Variants in DCAF5 observed in about 807,000 individuals in gnomAD.
DCAF5 encodes the protein DDB1 and CUL4 associated factor 5.
In DCAF5, 9 loss-of-function variants were observed where a neutral mutation model predicts 80.7. That is an observed-to-expected ratio of 0.11 (90% CI 0.07 to 0.19). DCAF5 has a LOEUF of 0.19. Ranked by LOEUF, DCAF5 falls within the 10% of genes least tolerant of loss-of-function variation. The pLI is 1.00. For missense variants in DCAF5, 842 were observed against 1,205.7 expected (o/e 0.70, Z 4.47); for synonymous variants, 433 against 461.9 (o/e 0.94, Z 0.80).
chr14:69,086,620 T>TAAAAAA (rs34555932), intron 6 of DCAF5, among the ~76,000 whole-genome samples: 1 of 134,230 alleles, frequency 7.4e-6, no homozygotes, highest in African/African-American at 2.8e-5. Context: ...ATGGAGTTAT[T>TAAAAAA]AAAAAAAAAA....
At chr14:69,064,566 T>C (rs183137958) in intron 7 of DCAF5, among the ~76,000 whole-genome samples, 55 of 152,292 alleles carry the variant, frequency 3.6e-4, no homozygotes, top group African/African-American at 1.2e-3. Context: ...ATGGAAGAGT[T>C]TGAATAGGAA....
rs1250542085 is a variant in DCAF5 at position 69,055,546 on chromosome 14, G to A, written c.1140C>T (p.Ser380=). 1.2e-6 allele frequency: 2 copies of A among 1,613,208 alleles called. No homozygotes were observed. Among genetic ancestry groups the A allele is most frequent in the Admixed American group, 3.3e-5 (2 of 60,018 alleles). The change falls in exon 9 of 9, where the codon TCC becomes TCT. Residue 380 remains serine (S), a synonymous_variant. Transcript: ENST00000341516. This position sits in a 1 kb window ranked among gnomAD's most constrained non-coding sequence, Gnocchi z 5.6. ...GDLDGRIEDD[S]RCLYTHEEYI... is the part of the protein sequence containing the mutation. Reference sequence around the variant, plus strand: ...ACTCTTCATGGGTATAGAGGCAGCGGGAATCGTCCTCAATCCGACCGTCGA... The same window carrying A: ...ACTCTTCATGGGTATAGAGGCAGCGAGAATCGTCCTCAATCCGACCGTCGA...
intron 1 of DCAF5, among the ~76,000 whole-genome samples, chr14:69,141,664 A>AT: frequency 6.6e-6 from 1 of 152,164 alleles, no homozygotes; most frequent in Non-Finnish European, 1.5e-5. Flanking sequence ...GTTACAAAGG[A>AT]TCCCAACAAT....
chr14:69,124,650 A>T (rs916652770), intron 1 of DCAF5, among the ~76,000 whole-genome samples: 78 of 152,222 alleles, frequency 5.1e-4, no homozygotes, highest in Non-Finnish European at 9.7e-4. Context: ...ATTTCTTACA[A>T]ATTTACCATT....
intron 7 of DCAF5, among the ~76,000 whole-genome samples, chr14:69,063,535 C>G (rs746509209): frequency 1.7e-4 from 26 of 152,220 alleles, no homozygotes; most frequent in Non-Finnish European, 2.8e-4. Flanking sequence ...TTAGTCCCTA[C>G]CAGGAGCATG....
chr14:69,131,288 G>GA (rs2140092992), intron 1 of DCAF5, among the ~76,000 whole-genome samples: 1 of 152,050 alleles, frequency 6.6e-6, no homozygotes, highest in South Asian at 2.1e-4. Context: ...AAGCCTAAAG[G>GA]AAAATCATTC....
At chr14:69,103,246 G>A (rs1466926156) in intron 5 of DCAF5, among the ~76,000 whole-genome samples, 5 of 152,074 alleles carry the variant, frequency 3.3e-5, no homozygotes, top group Admixed American at 6.6e-5. Flanking sequence ...ATTTTTCTAC[G>A]GGTACATGTA....
intron 1 of DCAF5, among the ~76,000 whole-genome samples, chr14:69,144,575 T>TA (rs550684948): frequency 3.4e-5 from 5 of 146,950 alleles, no homozygotes; most frequent in East Asian, 2.0e-4. Context: ...AGACTCCGTT[T>TA]AAAAAAAAAA....
Position 69,113,852 on chromosome 14 carries a change from A to AG in DCAF5, c.665+2513dup, listed in dbSNP as rs1386501511. On this transcript the variant is annotated intron_variant, in intron 5 of 8. Transcript: ENST00000341516. Reference sequence around the variant, plus strand: ...CACCCATAAAACCTTGTAGAACCTTAGAAGAGTTGAAATAAATGCAAAAAC... The same window carrying AG: ...CACCCATAAAACCTTGTAGAACCTTAGGAAGAGTTGAAATAAATGCAAAAAC... Among the ~76,000 whole-genome samples the AG allele has an allele frequency of 2.0e-5, 3 of 152,284 alleles. No homozygotes were observed. In the South Asian group the frequency reaches 6.2e-4, roughly 32 times the overall value.
chr14:69,090,873 A>G (rs1174741682), intron 6 of DCAF5: 4 of 530,684 alleles, frequency 7.5e-6, no homozygotes, highest in Middle Eastern at 6.2e-4. Flanking sequence ...AAATAGCAAT[A>G]AGATTTGTTG....
chr14:69,090,449 G>C (rs956589781), intron 6 of DCAF5: 1 of 152,268 alleles, frequency 6.6e-6, no homozygotes, highest in Non-Finnish European at 1.5e-5. Context: ...TCCAACATGA[G>C]TATAAATTCT....
rs779622970 is a variant in DCAF5, at chr14:69,137,179, A to G, written c.215-14819T>C. On this transcript the variant is annotated intron_variant, in intron 1 of 8. Coordinates refer to ENST00000341516, the MANE Select transcript of DCAF5 (RefSeq NM_003861.3). ...ATTTCAACAGGCAATTTTCCATAGT[A>G]AAGTATGGAATTAGTGACACGTCAA... Among the ~76,000 whole-genome samples the G allele has an allele frequency of 2.0e-3, 311 of 152,314 alleles. 1 individual carries two copies. The highest frequency in any genetic ancestry group is 3.4e-3 in the Middle Eastern group (1 of 294).
chr14:69,098,941 A>C lies in DCAF5; in HGVS notation c.666-7054T>G, dbSNP rs191267464. Among the ~76,000 whole-genome samples, 18 of 148,694 alleles carry C rather than the reference A, an allele frequency of 1.2e-4. No homozygotes were observed. In the Admixed American group the frequency reaches 1.2e-3, roughly 10 times the overall value. On this transcript the variant is annotated intron_variant, in intron 5 of 8. Transcript: ENST00000341516. Reference sequence around the variant, plus strand: ...GAAAAGAAAAAAAAGAAAAACACTGACTTAAAACGTTTTTAAAACAAAACT... The same window carrying C: ...GAAAAGAAAAAAAAGAAAAACACTGCCTTAAAACGTTTTTAAAACAAAACT...
chr14:69,133,878 G>C (rs1165322340), intron 1 of DCAF5, among the ~76,000 whole-genome samples: 1 of 152,146 alleles, frequency 6.6e-6, no homozygotes, highest in African/African-American at 2.4e-5. Context: ...TAACTAGACA[G>C]CTAGAGCCCC....
chr14:69,060,419 G>T (rs1016638135), intron 8 of DCAF5, among the ~76,000 whole-genome samples: 1 of 152,160 alleles, frequency 6.6e-6, no homozygotes, highest in African/African-American at 2.4e-5. Flanking sequence ...CTAGCCCCAC[G>T]GGGAAATGTG....
At position 69,146,262 on chromosome 14, in the gene DCAF5, T is replaced by A. The variant is rs76464984; in HGVS notation, c.214+6503A>T. Among the ~76,000 whole-genome samples, 924 of 152,314 alleles carry A rather than the reference T, an allele frequency of 6.1e-3. 19 individuals are homozygous for A. Among genetic ancestry groups the A allele is most frequent in the East Asian group, 0.056 (291 of 5,192 alleles). On this transcript the variant is annotated intron_variant, in intron 1 of 8. Coordinates refer to ENST00000341516, the MANE Select transcript of DCAF5 (RefSeq NM_003861.3). Reference sequence around the variant, plus strand: ...GCACAAGGACAACTTTTTGATGTATTAATAACAATGTCTAATGTGACTAAT... The same window carrying A: ...GCACAAGGACAACTTTTTGATGTATAAATAACAATGTCTAATGTGACTAAT...
At position 69,089,960 on chromosome 14, in the gene DCAF5, G is replaced by A. The variant is rs2039473726; in HGVS notation, c.879+1714C>T. On this transcript the variant is annotated intron_variant, in intron 6 of 8. Coordinates refer to ENST00000341516, the MANE Select transcript of DCAF5 (RefSeq NM_003861.3). ...TCTAGGTGCTTACATGTTGGCTAGAGGTCTTTGTTCTGGGTCTTCTAAGGT... is the reference window on the plus strand; with the variant it reads ...TCTAGGTGCTTACATGTTGGCTAGAAGTCTTTGTTCTGGGTCTTCTAAGGT... 9.1e-6 allele frequency: 9 copies of A among 985,282 alleles called. No individual in the cohort carries two copies. In the South Asian group the frequency reaches 3.3e-4, roughly 36 times the overall value. 61.0% of individuals were successfully genotyped at this position (985,282 alleles called of 1,614,324 possible).
intron 1 of DCAF5, among the ~76,000 whole-genome samples, chr14:69,133,402 C>T (rs2140097296): frequency 6.6e-6 from 1 of 152,290 alleles, no homozygotes; most frequent in Middle Eastern, 3.4e-3. Context: ...TCAGCTCTTG[C>T]CAGTTGTTGC....
chr14:69,114,519 C>G (rs1710989), intron 5 of DCAF5, among the ~76,000 whole-genome samples: 2 of 151,912 alleles, frequency 1.3e-5, no homozygotes, highest in Admixed American at 6.6e-5. Flanking sequence ...TATGCATAGT[C>G]GTATATACAT....
Sources: allele counts gnomAD v4.1 joint callset (sites outside exome capture counted in the v4.1 genomes callset), GRCh38; gene constraint gnomAD v4.1.1; non-coding constraint Gnocchi (gnomAD v3.1); transcripts MANE v1.5; gene names NCBI Gene and HGNC (gene_info 2026-07-23, HGNC 2026-07-21).